Variants in MPP2 observed in about 807,000 individuals in gnomAD.
The protein encoded by MPP2 is MAGUK p55 subfamily member 2.
In MPP2, 42 loss-of-function variants were observed where a neutral mutation model predicts 58.5. The observed-to-expected ratio is 0.72, with a 90% CI of 0.56 to 0.93. The LOEUF is 0.93. Ranked by LOEUF, MPP2 falls within the 40% of genes least tolerant of loss-of-function variation. The pLI, the probability that MPP2 is intolerant of heterozygous loss-of-function variation, is 0.00. For synonymous variants in MPP2, 300 were observed against 307.8 expected (o/e 0.97, Z 0.26); for missense variants, 632 against 760.4 (o/e 0.83, Z 1.99).
At chr17:43,906,011 G>T in intron 1 of MPP2, 1 of 822,692 alleles carries the variant, frequency 1.2e-6, no homozygotes, top group Non-Finnish European at 1.5e-6. Flanking sequence ...CGTGCCCCTG[G>T]TGCCAATCTC....
Position 43,882,472 on chromosome 17 carries a change from C to T in MPP2, c.493G>A (p.Ala165Thr), listed in dbSNP as rs1418516071. Residue 165 changes from alanine (A) to threonine (T), a missense_variant, in exon 6 of 13, where the codon GCG becomes ACG. Physicochemically the swap from Ala to Thr is moderately conservative, Grantham distance 58 (BLOSUM62 0). Transcript: ENST00000269095. ...ACCATGCCCCCATGCAGAATGCGCG[C>T]GATCACCAGCTCGCCGCCCTCCACG... is the stretch of plus-strand genomic sequence containing the variant. ...FRVEGGELVI[A>T]RILHGGMVAQ... 1.9e-6 allele frequency: 3 copies of T among 1,606,732 alleles called. No individual in the cohort carries two copies. The highest frequency in any genetic ancestry group is 1.3e-5 in the African/African-American group (1 of 74,916).
rs183535460 is a variant in MPP2, at chr17:43,896,327, C to T, written c.150+1935G>A. Reference sequence around the variant, plus strand: ...GCCTTCCATTTCTGGGTGTCTTCAACACTGATGACCTACCTGTCCACTGCA... The same window carrying T: ...GCCTTCCATTTCTGGGTGTCTTCAATACTGATGACCTACCTGTCCACTGCA... On this transcript the variant is annotated intron_variant, in intron 3 of 12. Transcript: ENST00000269095. 8.9e-4 allele frequency among the ~76,000 whole-genome samples: 135 copies of T among 152,262 alleles called. 1 individual carries two copies. Among genetic ancestry groups the T allele is most frequent in the South Asian group, 2.1e-3 (10 of 4,826 alleles).
Position 43,880,618 on chromosome 17 carries a change from G to T in MPP2, c.1150+73C>A. On this transcript the variant is annotated intron_variant, in intron 10 of 12. Coordinates refer to ENST00000269095, the MANE Select transcript of MPP2 (RefSeq NM_005374.5). This position sits in a 1 kb window ranked among gnomAD's most constrained non-coding sequence, Gnocchi z 5.2. ...CTGGTGCCCATGAAGATGCCCATTC[G>T]GTGGGCCCAGCCCTGGCCCCAGGGG... is the stretch of plus-strand genomic sequence containing the variant. 1 of 1,475,222 alleles carries T rather than the reference G, an allele frequency of 6.8e-7. No homozygotes were observed. The highest frequency in any genetic ancestry group is 9.1e-7 in the Non-Finnish European group (1 of 1,101,418). The allele number at this position is 1,475,222 out of a possible 1,614,324, so 91.4% of individuals were successfully genotyped here.
Position 43,879,950 on chromosome 17 carries a change from T to C in MPP2, c.1185A>G (p.Glu395=). The change falls in exon 11 of 13, where the codon GAA becomes GAG. Residue 395 remains glutamate, a synonymous_variant. Transcript: ENST00000269095. The surrounding 1 kb of genome is among the most constrained non-coding windows in gnomAD (Gnocchi z 4.1). ...TSRRPKDSER[E]GQGYSFVSRG... ...GGGACACAAAGCTGTAACCCTGACC[T>C]TCCCGCTCTGAGTCTTTCGGCCGCC... The C allele has an allele frequency of 6.2e-7, 1 of 1,614,076 alleles. No homozygotes were observed.
upstream of MPP2, among the ~76,000 whole-genome samples, chr17:43,908,278 C>CT (rs924501545): frequency 6.6e-6 from 1 of 152,232 alleles, no homozygotes; most frequent in Non-Finnish European, 1.5e-5. Flanking sequence ...GTAAAAGATG[C>CT]TGGGCCTCCA....
In MPP2 at chr17:43,877,601, G is replaced by C. The variant is rs1372234348; in HGVS notation, c.*206C>G. The C allele has an allele frequency of 1.0e-5, 6 of 597,434 alleles. No homozygotes were observed. The East Asian group carries it at 1.7e-4, about 16-fold the overall frequency. The allele number at this position is 597,434 out of a possible 1,614,324, so 37.0% of individuals were successfully genotyped here. On this transcript the variant is annotated 3_prime_UTR_variant, in exon 13 of 13. Coordinates refer to ENST00000269095, the MANE Select transcript of MPP2 (RefSeq NM_005374.5). ...TGGGCATCAGGAGTGGGCAGCACCTGGGCACAAGGTACCCCATGAATGCCC... is the reference window on the plus strand; with the variant it reads ...TGGGCATCAGGAGTGGGCAGCACCTCGGCACAAGGTACCCCATGAATGCCC...
At chr17:43,889,823 T>C (rs1159260786) in intron 3 of MPP2, among the ~76,000 whole-genome samples, 1 of 107,628 alleles carries the variant, frequency 9.3e-6, no homozygotes, top group Non-Finnish European at 2.0e-5. Context: ...TTTTGTTTTT[T>C]TTTTTTTGAG....
intron 3 of MPP2, among the ~76,000 whole-genome samples, chr17:43,897,945 A>G (rs747366422): frequency 2.7e-4 from 41 of 152,224 alleles, no homozygotes; most frequent in Admixed American, 6.5e-5. Context: ...CAAAACGCCC[A>G]AAGGCAGAAG....
chr17:43,886,651 T>C (rs1185013967), intron 3 of MPP2, among the ~76,000 whole-genome samples: 1 of 152,164 alleles, frequency 6.6e-6, no homozygotes, highest in Admixed American at 6.5e-5. Context: ...TATTGACAAA[T>C]TCCCCTCCAT....
chr17:43,882,915 G>A lies in MPP2; in HGVS notation c.441C>T (p.Ala147=), dbSNP rs753192544. 60 of 1,613,888 alleles carry A rather than the reference G, an allele frequency of 3.7e-5. No homozygotes were observed. Among genetic ancestry groups the A allele is most frequent in the South Asian group, 7.7e-5 (7 of 91,068 alleles). The change falls in exon 5 of 13, where the codon GCC becomes GCT. Residue 147 remains alanine (A), a synonymous_variant. Coordinates refer to ENST00000269095, the MANE Select transcript of MPP2 (RefSeq NM_005374.5). Reference sequence around the variant, plus strand: ...GCCCAGTCCTCACCAGATGTTCTCCGGCTGTCTTGCGGATGCCCACCATGC... The same window carrying A: ...GCCCAGTCCTCACCAGATGTTCTCCAGCTGTCTTGCGGATGCCCACCATGC... ...AVRMVGIRKT[A]GEHLGVTFRV...
chr17:43,904,357 T>C (rs1357037333), intron 2 of MPP2, 73 bp downstream of exon 2: 1 of 1,452,188 alleles, frequency 6.9e-7, no homozygotes. Flanking sequence ...GCTGTGCAAG[T>C]GCCCACCCCT....
chr17:43,906,044 G>A, intron 1 of MPP2: 1 of 960,992 alleles, frequency 1.0e-6, no homozygotes, highest in Non-Finnish European at 1.2e-6. Flanking sequence ...GCAGGGAGGA[G>A]GGATCCCTTC....
chr17:43,904,752 T>G (rs186501189), intron 1 of MPP2, among the ~76,000 whole-genome samples: 170 of 152,256 alleles, frequency 1.1e-3, no homozygotes, highest in African/African-American at 3.9e-3. Flanking sequence ...ACAAAGCTAA[T>G]AAGGAGAGCT....
In MPP2 at chr17:43,883,501, C is replaced by A. The variant is rs369771336; in HGVS notation, c.151-146G>T. The A allele has an allele frequency of 1.3e-5, 10 of 798,688 alleles. No individual in the cohort carries two copies. The East Asian group carries it at 2.5e-4, about 20-fold the overall frequency. 49.5% of individuals were successfully genotyped at this position (798,688 alleles called of 1,614,324 possible). ...AGCTCCTCACTCACTGACAATCATA[C>A]CCACACGTGCACATGCATTCCTTGC... On this transcript the variant is annotated intron_variant, in intron 3 of 12. Coordinates refer to ENST00000269095, the MANE Select transcript of MPP2 (RefSeq NM_005374.5).
In MPP2 at chr17:43,876,324, C is replaced by G. The variant is rs2046827171; in HGVS notation, c.*1483G>C. 1 of 152,432 alleles carries G rather than the reference C, an allele frequency of 6.6e-6. No homozygotes were observed. Among genetic ancestry groups the G allele is most frequent in the Non-Finnish European group, 1.5e-5 (1 of 68,020 alleles). 9.4% of individuals were successfully genotyped at this position (152,432 alleles called of 1,614,324 possible). ...GACTCAGGGTGTCACAGGTTGTCCC[C>G]TCTGAGGACAGGCTCCCCCCGGAAG... On this transcript the variant is annotated 3_prime_UTR_variant, in exon 13 of 13. Coordinates refer to ENST00000269095, the MANE Select transcript of MPP2 (RefSeq NM_005374.5).
chr17:43,902,880 C>T (rs2143785762), intron 2 of MPP2, among the ~76,000 whole-genome samples: 1 of 152,334 alleles, frequency 6.6e-6, no homozygotes, highest in Admixed American at 6.5e-5. Flanking sequence ...CCTGCGTGCA[C>T]TACGGGAATC....
In MPP2 at chr17:43,877,512, T is replaced by G; in HGVS notation, c.*295A>C. 3.1e-5 allele frequency: 12 copies of G among 389,900 alleles called. No individual in the cohort carries two copies. Among genetic ancestry groups the G allele is most frequent in the East Asian group, 4.6e-5 (1 of 21,712 alleles). The allele number at this position is 389,900 out of a possible 1,614,324, so 24.2% of individuals were successfully genotyped here. ...GCTTTTCTCTTCTCTGTACTGACCATTATGGAGGTGACTCTGACACATTCC... is the reference window on the plus strand; with the variant it reads ...GCTTTTCTCTTCTCTGTACTGACCAGTATGGAGGTGACTCTGACACATTCC... On this transcript the variant is annotated 3_prime_UTR_variant, in exon 13 of 13. Transcript: ENST00000269095.
At chr17:43,881,059 AG>A in intron 9 of MPP2, 30 bp downstream of exon 9, 9 of 1,606,870 alleles carry the variant, frequency 5.6e-6, no homozygotes, top group Non-Finnish European at 7.7e-6. Flanking sequence ...ATGTTAGAGG[AG>A]GGTAAGGGAG....
Position 43,880,711 on chromosome 17 carries a change from C to T in MPP2, c.1130G>A (p.Arg377His), listed in dbSNP as rs756893531. The T allele has an allele frequency of 5.6e-6, 9 of 1,611,992 alleles. No homozygotes were observed. The highest frequency in any genetic ancestry group is 1.1e-5 in the South Asian group (1 of 90,796). The change falls in exon 10 of 13, where the codon CGC becomes CAC. Residue 377 changes from arginine to histidine, a missense_variant. By Grantham distance (29) the Arg-to-His change is conservative. Transcript: ENST00000269095. This position sits in a 1 kb window ranked among gnomAD's most constrained non-coding sequence, Gnocchi z 5.2. ...CTCACAGGGCACCGTGGTGCCATAG[C>T]GATCTGGATCCCACATGATGAGCTT... Reference protein sequence around the residue: ...KNKLIMWDPDRYGTTVPYTSR... With the variant: ...KNKLIMWDPDHYGTTVPYTSR...
Sources: allele counts gnomAD v4.1 joint callset (sites outside exome capture counted in the v4.1 genomes callset), GRCh38; gene constraint gnomAD v4.1.1; non-coding constraint Gnocchi (gnomAD v3.1); transcripts MANE v1.5; gene names NCBI Gene and HGNC (gene_info 2026-07-23, HGNC 2026-07-21).